Variants in NBEAL1 observed in about 807,000 individuals in gnomAD.
The protein encoded by NBEAL1 is neurobeachin like 1.
In NBEAL1, 273 loss-of-function variants were observed where a neutral mutation model predicts 351.3. The observed-to-expected ratio is 0.78, with a 90% CI of 0.70 to 0.86. The LOEUF is 0.86. NBEAL1 is among the 40% of genes least tolerant of loss of function. The pLI is 0.00. For missense variants in NBEAL1, 2,961 were observed against 3,201.3 expected (o/e 0.92, Z 1.81); for synonymous variants, 1,050 against 1,086.4 (o/e 0.97, Z 0.66).
intron 12 of NBEAL1, 71 bp downstream of exon 12, chr2:203,099,783 G>T: frequency 9.8e-7 from 1 of 1,022,448 alleles, no homozygotes; most frequent in Non-Finnish European, 1.4e-6. Context: ...ACATGTGCAG[G>T]TTTGTTATAT....
chr2:203,066,190 ATGTTTATTGTTTGTAGCATAGGT>A lies in NBEAL1; in HGVS notation c.516-2197_516-2175del, dbSNP rs2061582729. ...TTTTTATTATGTTAATCAGGTGAGG[ATGTTTATTGTTTGTAGCATAGGT>A]TGTTTGGATAGGATATAAGCAATCT... On this transcript the variant is annotated intron_variant, in intron 6 of 55. Coordinates refer to ENST00000683969, the MANE Select transcript of NBEAL1 (RefSeq NM_001378026.1). 2.0e-5 allele frequency among the ~76,000 whole-genome samples: 3 copies of A among 152,322 alleles called. No individual in the cohort carries two copies. In the East Asian group the frequency reaches 5.8e-4, roughly 29 times the overall value.
At chr2:203,038,632 C>T (rs892127717) in intron 2 of NBEAL1, among the ~76,000 whole-genome samples, 1 of 148,790 alleles carries the variant, frequency 6.7e-6, no homozygotes, top group Non-Finnish European at 1.5e-5. Flanking sequence ...GTTTGTCTTT[C>T]CATTTTCTTT....
intron 3 of NBEAL1, among the ~76,000 whole-genome samples, chr2:203,047,034 G>A (rs1216299878): frequency 6.6e-6 from 1 of 151,978 alleles, no homozygotes; most frequent in Non-Finnish European, 1.5e-5. Context: ...ATTAGTGGGC[G>A]TGGTGGCAAG....
intron 29 of NBEAL1, 96 bp downstream of exon 29, chr2:203,136,870 A>G: frequency 9.9e-6 from 11 of 1,108,838 alleles, no homozygotes; most frequent in Non-Finnish European, 1.4e-5. Context: ...TATTCTGTGG[A>G]TATAACAAGG....
At position 203,034,302 on chromosome 2, in the gene NBEAL1, C is replaced by T. The variant is rs189637353; in HGVS notation, c.52-7463C>T. Among the ~76,000 whole-genome samples, 441 of 151,664 alleles carry T rather than the reference C, an allele frequency of 2.9e-3. 1 individual carries two copies. The highest frequency in any genetic ancestry group is 0.017 in the Middle Eastern group (5 of 294). The stretch of plus-strand genomic sequence containing the variant: ...CCTCCTGAGTAGCTGGGACTACAGG[C>T]GTGTGCCACCATATCCAGCTAATTT... On this transcript the variant is annotated intron_variant, in intron 2 of 55. Coordinates refer to ENST00000683969, the MANE Select transcript of NBEAL1 (RefSeq NM_001378026.1).
At chr2:203,046,598 C>T (rs781162164) in intron 3 of NBEAL1, among the ~76,000 whole-genome samples, 11 of 152,106 alleles carry the variant, frequency 7.2e-5, no homozygotes, top group Non-Finnish European at 1.6e-4. Context: ...GATTTGGTGT[C>T]TGGTGAGGGC....
At chr2:203,084,182 G>A (rs557286112) in intron 9 of NBEAL1, among the ~76,000 whole-genome samples, 1 of 152,028 alleles carries the variant, frequency 6.6e-6, no homozygotes, top group African/African-American at 2.4e-5. Context: ...GTTCCTTTTA[G>A]AAGTAAAACG....
chr2:203,174,591 G>A (rs2064434050), intron 41 of NBEAL1, among the ~76,000 whole-genome samples: 1 of 151,702 alleles, frequency 6.6e-6, no homozygotes. Flanking sequence ...TATTATTATT[G>A]CATAACAAAA....
At chr2:203,046,705 T>A (rs914462955) in intron 3 of NBEAL1, among the ~76,000 whole-genome samples, 5 of 152,180 alleles carry the variant, frequency 3.3e-5, no homozygotes, top group African/African-American at 1.2e-4. Flanking sequence ...TCACTCTGTT[T>A]ATAAAGACAG....
intron 33 of NBEAL1, among the ~76,000 whole-genome samples, chr2:203,147,227 A>G (rs181814666): frequency 6.6e-6 from 1 of 152,272 alleles, no homozygotes; most frequent in African/African-American, 2.4e-5. Flanking sequence ...AAATAAAACT[A>G]TCCAAAGATA....
rs1229885381 is a variant in NBEAL1 at position 203,141,360 on chromosome 2, ATTATTATTTTTTTTT to A, written c.4848+2615_4848+2629del. On this transcript the variant is annotated intron_variant, in intron 31 of 55. Transcript: ENST00000683969. ...AAGACAGATTATTATTATTATTATT[ATTATTATTTTTTTTT>A]TTTTTTTTTTTTTTTTTTTTTTTCA... 1.2e-3 allele frequency among the ~76,000 whole-genome samples: 17 copies of A among 13,624 alleles called. No homozygotes were observed. In the South Asian group the frequency reaches 0.045, roughly 36 times the overall value. The allele number at this position is 13,624 out of a possible 152,430, so 8.9% of individuals were successfully genotyped here.
chr2:203,140,552 A>G (rs975772203), intron 31 of NBEAL1, among the ~76,000 whole-genome samples: 8 of 152,064 alleles, frequency 5.3e-5, no homozygotes, highest in Admixed American at 1.3e-4. Context: ...CACATATTCA[A>G]TTGTAGAAAA....
At position 203,041,871 on chromosome 2, in the gene NBEAL1, T is replaced by C. The variant is rs1208543243; in HGVS notation, c.143+15T>C. 1.3e-6 allele frequency: 2 copies of C among 1,521,082 alleles called. No homozygotes were observed. The highest frequency in any genetic ancestry group is 1.8e-6 in the Non-Finnish European group (2 of 1,119,572). The allele number at this position is 1,521,082 out of a possible 1,614,324, so 94.2% of individuals were successfully genotyped here. ...CTGCCTACCAGGTATGTAGAAACGC[T>C]AATTTGTAACCCCTGGATGAGTTTT... is the stretch of plus-strand genomic sequence containing the variant. On this transcript the variant is annotated intron_variant, in intron 3 of 55. Transcript: ENST00000683969.
chr2:203,096,323 A>G (rs1028458213), intron 10 of NBEAL1, among the ~76,000 whole-genome samples: 2 of 152,232 alleles, frequency 1.3e-5, no homozygotes, highest in Non-Finnish European at 2.9e-5. Context: ...CTTCCATAAC[A>G]TATAATACCA....
At chr2:203,184,096 A>AG (rs1289632844) in intron 44 of NBEAL1, among the ~76,000 whole-genome samples, 59 of 121,960 alleles carry the variant, frequency 4.8e-4, no homozygotes, top group East Asian at 1.2e-3. Context: ...AAAAAAAAAA[A>AG]AAAGAAACAA....
At chr2:203,074,133 G>A (rs1043638100) in intron 7 of NBEAL1, among the ~76,000 whole-genome samples, 25 of 152,168 alleles carry the variant, frequency 1.6e-4, no homozygotes, top group African/African-American at 4.8e-4. Flanking sequence ...GTGAGGTAAT[G>A]TGTATATGTT....
Position 203,190,328 on chromosome 2 carries a change from A to G in NBEAL1, c.6860A>G (p.Glu2287Gly). ...CTGGATGCCTTAACAGATGAGAAAG[A>G]AAGAAAAGCCTTAGAAGGGATGATT... ...VDLDALTDEKERKALEGMINN... is the reference protein window; with the variant it reads ...VDLDALTDEKGRKALEGMINN... Residue 2287 changes from glutamate to glycine, a missense_variant, in exon 46 of 56, where the codon GAA (glutamate) becomes GGA (glycine). Glu to Gly is a moderately conservative substitution (Grantham distance 98). Coordinates refer to ENST00000683969, the MANE Select transcript of NBEAL1 (RefSeq NM_001378026.1). 1 of 1,612,776 alleles carries G rather than the reference A, an allele frequency of 6.2e-7. No individual in the cohort carries two copies. Among genetic ancestry groups the G allele is most frequent in the Non-Finnish European group, 8.5e-7 (1 of 1,179,750 alleles).
chr2:203,040,833 C>A, intron 2 of NBEAL1: 1 of 472,352 alleles, frequency 2.1e-6, no homozygotes, highest in South Asian at 1.7e-5. Context: ...TGGGCTTCCT[C>A]AAGGAGATGG....
At chr2:203,060,731 TA>T in intron 6 of NBEAL1, among the ~76,000 whole-genome samples, 1 of 152,334 alleles carries the variant, frequency 6.6e-6, no homozygotes, top group East Asian at 1.9e-4. Context: ...AATATAATTA[TA>T]ATAACATTCC....
Sources: gnomAD v4.1 joint callset for allele counts (sites outside exome capture counted in the v4.1 genomes callset) on GRCh38, gnomAD v4.1.1 for gene constraint, MANE v1.5 for transcripts, NCBI Gene and HGNC (gene_info 2026-07-23, HGNC 2026-07-21) for gene names.